The following PVT1 variants were observed in gnomAD, a reference collection of about 807,000 sequenced individuals.
PVT1 encodes Pvt1 oncogene.
chr8:127,956,696 G>A (rs1400594267), intron 3 of PVT1, among the ~76,000 whole-genome samples: 1 of 152,210 alleles, frequency 6.6e-6, no homozygotes, highest in Non-Finnish European at 1.5e-5. Flanking sequence ...TGTTGGGCAG[G>A]ATGGTCTGGA....
At chr8:127,811,823 G>A (rs1242553266) in intron 2 of PVT1, among the ~76,000 whole-genome samples, 1 of 152,150 alleles carries the variant, frequency 6.6e-6, no homozygotes, top group Non-Finnish European at 1.5e-5. Flanking sequence ...AAGCAACAGT[G>A]GTTTCCGGTA....
At chr8:127,851,476 G>A (rs924974331) in intron 2 of PVT1, among the ~76,000 whole-genome samples, 17 of 152,182 alleles carry the variant, frequency 1.1e-4, no homozygotes, top group African/African-American at 3.9e-4. Context: ...GGGCTTTGCA[G>A]GCTTTTGGTG....
At chr8:128,063,437 G>A (rs936792604) in intron 4 of PVT1, among the ~76,000 whole-genome samples, 4 of 151,572 alleles carry the variant, frequency 2.6e-5, no homozygotes, top group Non-Finnish European at 2.9e-5. Flanking sequence ...GCTTGAACTC[G>A]GGAAGTGGGG....
At chr8:127,927,081 A>C (rs1482615497) in intron 3 of PVT1, among the ~76,000 whole-genome samples, 1 of 152,224 alleles carries the variant, frequency 6.6e-6, no homozygotes, top group Non-Finnish European at 1.5e-5. Context: ...CTTGGTAGCA[A>C]ACAGCTCTGG....
chr8:127,905,648 T>G (rs1276412998), intron 3 of PVT1, among the ~76,000 whole-genome samples: 2 of 152,144 alleles, frequency 1.3e-5, no homozygotes, highest in Non-Finnish European at 2.9e-5. Context: ...TTTTTGAGTA[T>G]ATATAATTGT....
At chr8:128,041,458 A>G (rs111162835) in intron 4 of PVT1, among the ~76,000 whole-genome samples, 3 of 141,964 alleles carry the variant, frequency 2.1e-5, no homozygotes, top group African/African-American at 5.3e-5. Flanking sequence ...TTTGGCGTGT[A>G]TATGTGTTTG....
At chr8:127,972,430 C>T (rs992639351) in intron 3 of PVT1, among the ~76,000 whole-genome samples, 2 of 152,152 alleles carry the variant, frequency 1.3e-5, no homozygotes, top group African/African-American at 2.4e-5. Flanking sequence ...CTGGGTTGCT[C>T]CTGCTTGAGT....
chr8:127,889,235 T>C (rs1815568477), intron 2 of PVT1, among the ~76,000 whole-genome samples: 2 of 151,942 alleles, frequency 1.3e-5, no homozygotes, highest in Admixed American at 1.3e-4. Flanking sequence ...GTTTAAGCGA[T>C]TCTCATTCCT....
chr8:127,813,811 A>G (rs1586390400), intron 2 of PVT1, among the ~76,000 whole-genome samples: 1 of 152,172 alleles, frequency 6.6e-6, no homozygotes, highest in African/African-American at 2.4e-5. Context: ...CCACATGGAA[A>G]CGAGAGGCAG....
At chr8:128,050,910 C>T (rs1183412264) in intron 4 of PVT1, among the ~76,000 whole-genome samples, 3 of 152,196 alleles carry the variant, frequency 2.0e-5, no homozygotes, top group Non-Finnish European at 4.4e-5. Flanking sequence ...AAGTCATCTT[C>T]CTCTGTTTGA....
chr8:127,801,463 A>G (rs1814464524), intron 2 of PVT1, among the ~76,000 whole-genome samples: 1 of 151,906 alleles, frequency 6.6e-6, no homozygotes, highest in Non-Finnish European at 1.5e-5. Flanking sequence ...CAGGTCTCAA[A>G]CTCCTGAACT....
At chr8:128,052,809 A>G (rs1813715035) in intron 4 of PVT1, among the ~76,000 whole-genome samples, 1 of 152,232 alleles carries the variant, frequency 6.6e-6, no homozygotes, top group Non-Finnish European at 1.5e-5. Context: ...TTTTATCCTC[A>G]TTAGACCCAA....
chr8:127,990,258 C>G (rs1158096264), intron 4 of PVT1, among the ~76,000 whole-genome samples: 1 of 152,180 alleles, frequency 6.6e-6, no homozygotes, highest in African/African-American at 2.4e-5. Context: ...ACCATGGCTA[C>G]TGCACTGGGT....
intron 4 of PVT1, among the ~76,000 whole-genome samples, chr8:128,044,926 A>T (rs1813593618): frequency 1.3e-5 from 2 of 152,204 alleles, no homozygotes; most frequent in Non-Finnish European, 2.9e-5. Context: ...ACAATTCTTG[A>T]TATGTAGTTG....
intron 3 of PVT1, among the ~76,000 whole-genome samples, chr8:127,952,133 A>G (rs750129311): frequency 6.6e-6 from 1 of 152,198 alleles, no homozygotes; most frequent in Non-Finnish European, 1.5e-5. Context: ...AATTCTTTCA[A>G]TGTTGCTCTA....
At chr8:127,949,662 G>T (rs1586451206) in intron 3 of PVT1, among the ~76,000 whole-genome samples, 1 of 152,088 alleles carries the variant, frequency 6.6e-6, no homozygotes, top group Non-Finnish European at 1.5e-5. Flanking sequence ...ACCAATGGGG[G>T]TGGCATTTAG....
chr8:127,825,874 G>A (rs1586395562), intron 2 of PVT1, among the ~76,000 whole-genome samples: 1 of 151,420 alleles, frequency 6.6e-6, no homozygotes, highest in East Asian at 1.9e-4. Flanking sequence ...TTTTTGAGAT[G>A]GGGTCTTACT....
At chr8:128,099,204 A>T (rs1286723491) in intron 6 of PVT1, among the ~76,000 whole-genome samples, 1 of 152,212 alleles carries the variant, frequency 6.6e-6, no homozygotes, top group Non-Finnish European at 1.5e-5. Context: ...GTGATCACAC[A>T]TCCCTAGCCG....
In PVT1 at chr8:127,898,115, GAAGAAAGAAGGA is replaced by G. The variant is rs1237831375; in HGVS notation, n.782+7128_782+7139del. ...GGAAGGAAGGAAAGAAGGAAGGAAG[GAAGAAAGAAGGA>G]AAGAAAGAAGATTCATTATTCTGTC... On this transcript the variant is annotated intron_variant and non_coding_transcript_variant, in intron 3 of 10. Coordinates refer to ENST00000651587, the Ensembl canonical transcript of PVT1. This position sits in a 1 kb window ranked among gnomAD's most constrained non-coding sequence, Gnocchi z 4.4. Among the ~76,000 whole-genome samples the G allele has an allele frequency of 6.9e-6, 1 of 144,188 alleles. No individual in the cohort carries two copies. The highest frequency in any genetic ancestry group is 1.5e-5 in the Non-Finnish European group (1 of 65,388). 94.6% of individuals were successfully genotyped at this position (144,188 alleles called of 152,430 possible). A position where few individuals can be genotyped will look rare whatever the true frequency, so the allele number is the denominator to read the frequency against.
Sources: allele counts gnomAD v4.1 joint callset (sites outside exome capture counted in the v4.1 genomes callset), GRCh38; gene constraint gnomAD v4.1.1; non-coding constraint Gnocchi (gnomAD v3.1); transcripts MANE v1.5; gene names NCBI Gene and HGNC (gene_info 2026-07-23, HGNC 2026-07-21).